The following AP2B1 variants were observed in gnomAD, a reference collection of about 807,000 sequenced individuals.
The protein encoded by AP2B1 is AP-2 complex subunit beta.
In AP2B1, 23 loss-of-function variants were observed where a neutral mutation model predicts 102.0. That is an observed-to-expected ratio of 0.23 (90% CI 0.16 to 0.32). AP2B1 has a LOEUF of 0.32. AP2B1 is among the 10% of genes least tolerant of loss of function. The pLI, the probability that AP2B1 is intolerant of heterozygous loss-of-function variation, is 1.00. For missense variants in AP2B1, 541 were observed against 1,157.4 expected, an observed-to-expected ratio of 0.47 and a Z score of 7.73; for synonymous variants, 381 against 421.2, an observed-to-expected ratio of 0.90 and a Z score of 1.17.
chr17:35,693,752 A>G (rs978963919), intron 18 of AP2B1, among the ~76,000 whole-genome samples: 1 of 112,994 alleles, frequency 8.9e-6, no homozygotes, highest in African/African-American at 3.3e-5. Flanking sequence ...AGAACAGGAA[A>G]GCACAGAACT....
Position 35,632,376 on chromosome 17 carries a change from C to T in AP2B1, c.1156-3965C>T, listed in dbSNP as rs575944571. ...TCTTGAACTCCTGACCTCAGATGAT[C>T]CACCCGCCTTGGCCTCCCAAAATGC... On this transcript the variant is annotated intron_variant, in intron 9 of 21. Coordinates refer to ENST00000610402, the MANE Select transcript of AP2B1 (RefSeq NM_001030006.2). Among the ~76,000 whole-genome samples, 5 of 152,258 alleles carry T rather than the reference C, an allele frequency of 3.3e-5. No individual in the cohort carries two copies. The East Asian group carries it at 9.6e-4, about 29-fold the overall frequency.
chr17:35,670,825 T>C lies in AP2B1; in HGVS notation c.1990-32T>C, dbSNP rs750244493. ...AGTATTTAGCTAAATGAACTCTACC[T>C]CTCTCTCCTCTCTCTCCTTTCTCTC... On this transcript the variant is annotated intron_variant, in intron 14 of 21. Coordinates refer to ENST00000610402, the MANE Select transcript of AP2B1 (RefSeq NM_001030006.2). The C allele has an allele frequency of 8.1e-6, 13 of 1,611,186 alleles. No individual in the cohort carries two copies. The African/African-American group carries it at 1.7e-4, about 22-fold the overall frequency.
chr17:35,589,640 C>A (rs1567751601), intron 1 of AP2B1, among the ~76,000 whole-genome samples: 1 of 152,142 alleles, frequency 6.6e-6, no homozygotes, highest in Non-Finnish European at 1.5e-5. Flanking sequence ...ACACTCTGGT[C>A]GAGGGCAAGT....
At chr17:35,707,178 G>A (rs992069212) in intron 18 of AP2B1, among the ~76,000 whole-genome samples, 5 of 151,880 alleles carry the variant, frequency 3.3e-5, no homozygotes, top group Non-Finnish European at 5.9e-5. Flanking sequence ...TTGTTGAGAC[G>A]GAGTCTTGCT....
chr17:35,591,656 T>C (rs2073105335), intron 1 of AP2B1, among the ~76,000 whole-genome samples: 1 of 152,234 alleles, frequency 6.6e-6, no homozygotes, highest in Non-Finnish European at 1.5e-5. Flanking sequence ...AGTAATCGTT[T>C]CTGTTTACTG....
At chr17:35,644,438 C>G (rs959997563) in intron 12 of AP2B1, among the ~76,000 whole-genome samples, 16 of 152,000 alleles carry the variant, frequency 1.1e-4, no homozygotes, top group Non-Finnish European at 2.2e-4. Context: ...AGTGCAGTGG[C>G]GTGATCTCGG....
At chr17:35,699,772 A>C (rs976862185) in intron 18 of AP2B1, among the ~76,000 whole-genome samples, 1 of 152,136 alleles carries the variant, frequency 6.6e-6, no homozygotes, top group African/African-American at 2.4e-5. Flanking sequence ...ATGCTATTTA[A>C]ACTTTGGGTC....
intron 3 of AP2B1, among the ~76,000 whole-genome samples, chr17:35,604,513 T>G (rs192797769): frequency 4.6e-5 from 7 of 151,652 alleles, no homozygotes; most frequent in African/African-American, 1.7e-4. Flanking sequence ...ATCCCAGAAC[T>G]TTGGGAGGCC....
chr17:35,620,079 C>T (rs1398967408), intron 5 of AP2B1, among the ~76,000 whole-genome samples: 1 of 152,166 alleles, frequency 6.6e-6, no homozygotes, highest in African/African-American at 2.4e-5. Context: ...AACCACCGTG[C>T]TCGGCCAAGG....
rs550701459 is a variant in AP2B1 at position 35,590,720 on chromosome 17, G to T, written c.-23-3288G>T. Among the ~76,000 whole-genome samples, 19 of 152,184 alleles carry T rather than the reference G, an allele frequency of 1.2e-4. 1 individual carries two copies. In the South Asian group the frequency reaches 3.9e-3, roughly 32 times the overall value. On this transcript the variant is annotated intron_variant, in intron 1 of 21. Coordinates refer to ENST00000610402, the MANE Select transcript of AP2B1 (RefSeq NM_001030006.2). ...CTCTTCCCTGAAATTTTGTGGGTGG[G>T]TGCATTATTTTCTAGTTAAGACAAG...
intron 18 of AP2B1, among the ~76,000 whole-genome samples, chr17:35,697,493 A>G (rs940525561): frequency 2.0e-5 from 3 of 152,254 alleles, no homozygotes; most frequent in Non-Finnish European, 4.4e-5. Flanking sequence ...AAATCAGAGT[A>G]AATGAGGAAG....
chr17:35,711,557 C>T (rs1480383538), intron 20 of AP2B1, among the ~76,000 whole-genome samples: 1 of 152,094 alleles, frequency 6.6e-6, no homozygotes, highest in Non-Finnish European at 1.5e-5. Context: ...CAAGCTCCGC[C>T]TCCCGGGTTC....
intron 12 of AP2B1, among the ~76,000 whole-genome samples, chr17:35,642,741 T>C (rs1231258426): frequency 6.6e-6 from 1 of 152,226 alleles, no homozygotes; most frequent in African/African-American, 2.4e-5. Flanking sequence ...GTCATCCCTT[T>C]ATACTGGTGT....
chr17:35,687,977 T>C (rs962628342), intron 18 of AP2B1, among the ~76,000 whole-genome samples: 6 of 152,268 alleles, frequency 3.9e-5, no homozygotes, highest in African/African-American at 1.2e-4. Flanking sequence ...TGTTTTTAAC[T>C]GTAATTCAAT....
Position 35,713,943 on chromosome 17 carries a change from T to TA in AP2B1, c.2627-3251dup, listed in dbSNP as rs587611642. 6 of 152,362 alleles carry TA rather than the reference T, an allele frequency of 3.9e-5. No homozygotes were observed. The East Asian group carries it at 1.2e-3, about 29-fold the overall frequency. The allele number at this position is 152,362 out of a possible 1,614,324, so 9.4% of individuals were successfully genotyped here. Reference sequence around the variant, plus strand: ...ATCTGTATGAATCTGTTTTACATCTTACCATTACAGCTGCATTTGGGGTTA... The same window carrying TA: ...ATCTGTATGAATCTGTTTTACATCTTAACCATTACAGCTGCATTTGGGGTTA... On this transcript the variant is annotated intron_variant, in intron 20 of 21. Transcript: ENST00000610402.
intron 13 of AP2B1, among the ~76,000 whole-genome samples, chr17:35,654,245 G>T (rs1486946550): frequency 6.6e-6 from 1 of 151,854 alleles, no homozygotes; most frequent in East Asian, 1.9e-4. Flanking sequence ...TGTATTTTTA[G>T]TAGAGACCGG....
intron 12 of AP2B1, 150 bp from the exon 13 acceptor site, chr17:35,650,380 C>T: frequency 1.1e-6 from 1 of 906,556 alleles, no homozygotes; most frequent in Non-Finnish European, 1.7e-6. Flanking sequence ...CAGGCATGAG[C>T]TATGAGCTAC....
At chr17:35,677,860 GT>G (rs35198677) in intron 17 of AP2B1, among the ~76,000 whole-genome samples, 100,230 of 127,922 alleles carry the variant, frequency 0.78, 38,375 homozygotes, top group East Asian at 0.93. Context: ...ATAGTAAATA[GT>G]TTTTTTTTTT....
intron 10 of AP2B1, among the ~76,000 whole-genome samples, chr17:35,638,089 C>T (rs912188345): frequency 1.3e-5 from 2 of 152,162 alleles, no homozygotes; most frequent in African/African-American, 4.8e-5. Flanking sequence ...ATCCTCTTGC[C>T]TCAGCCTCTC....
Sources: allele counts gnomAD v4.1 joint callset (sites outside exome capture counted in the v4.1 genomes callset), GRCh38; gene constraint gnomAD v4.1.1; transcripts MANE v1.5; gene names NCBI Gene and HGNC (gene_info 2026-07-23, HGNC 2026-07-21).